NRL: variants seen among roughly 807,000 people sequenced by gnomAD.
The protein encoded by NRL is neural retina leucine zipper.
NRL carries 16 observed loss-of-function variants against 12.5 expected under a neutral mutation model. That is an observed-to-expected ratio of 1.28 (90% CI 0.87 to 1.95). The LOEUF (loss-of-function observed/expected upper bound fraction) is 1.95. Ranked by LOEUF, NRL falls within the 30% of genes most tolerant of loss-of-function variation. The probability of loss-of-function intolerance (pLI) is 0.00; values close to 1 mark genes in which losing one functional copy is unlikely to be tolerated. For synonymous variants in NRL, 142 were observed against 150.9 expected (o/e 0.94, Z 0.43); for missense variants, 314 against 325.8 (o/e 0.96, Z 0.28).
intron 1 of NRL, chr14:24,099,069 C>G: frequency 1.9e-6 from 3 of 1,603,370 alleles, no homozygotes; most frequent in Non-Finnish European, 2.6e-6. Flanking sequence ...GAGCCAGTGG[C>G]CGTGCAACCC....
intron 1 of NRL, chr14:24,103,232 C>A (rs1414896046): frequency 6.2e-7 from 1 of 1,613,764 alleles, no homozygotes; most frequent in Admixed American, 1.7e-5. Context: ...CGCTCTGAGT[C>A]CACTGCTGCA....
chr14:24,105,500 G>A (rs2037323372), intron 1 of NRL, among the ~76,000 whole-genome samples: 1 of 152,266 alleles, frequency 6.6e-6, no homozygotes, highest in African/African-American at 2.4e-5. Flanking sequence ...AAGGCACAGA[G>A]AGGTCAAGTA....
chr14:24,107,341 A>G (rs2037354374), intron 1 of NRL, among the ~76,000 whole-genome samples: 1 of 152,338 alleles, frequency 6.6e-6, no homozygotes, highest in African/African-American at 2.4e-5. Context: ...TTTAAAATAA[A>G]ACACAGATAC....
chr14:24,078,670 C>T lies in NRL; in HGVS notation c.*2566G>A, dbSNP rs114092485. On this transcript the variant is annotated 3_prime_UTR_variant, in exon 3 of 3. Transcript: ENST00000561028. ...TCAGCAACAACAGCAAATATCATTA[C>T]GTAGCATGTGTCAACTTTATGCTAA... is the stretch of plus-strand genomic sequence containing the variant. Among the ~76,000 whole-genome samples, 395 of 152,318 alleles carry T rather than the reference C, an allele frequency of 2.6e-3. No homozygotes were observed. The highest frequency in any genetic ancestry group is 9.1e-3 in the African/African-American group (377 of 41,562).
At chr14:24,082,070 C>T in intron 2 of NRL, 2 of 1,205,522 alleles carry the variant, frequency 1.7e-6, no homozygotes, top group East Asian at 5.3e-5. Context: ...AGGTTGGGGG[C>T]TGGGAAGCAC....
At chr14:24,099,801 T>C (rs1594300885) in intron 1 of NRL, 3 of 1,398,698 alleles carry the variant, frequency 2.1e-6, no homozygotes, top group Non-Finnish European at 2.8e-6. Context: ...CACAATGACT[T>C]TGTCAGTGAG....
intron 1 of NRL, chr14:24,098,445 C>T (rs1190167212): frequency 1.9e-6 from 3 of 1,613,486 alleles, no homozygotes; most frequent in Non-Finnish European, 2.5e-6. Flanking sequence ...GGTTTGGAAC[C>T]CTTCATCCAG....
At chr14:24,097,121 C>A in intron 1 of NRL, 1 of 1,613,938 alleles carries the variant, frequency 6.2e-7, no homozygotes, top group Non-Finnish European at 8.5e-7. Flanking sequence ...CCGAAAGCTC[C>A]CCAAGTACAA....
intron 1 of NRL, chr14:24,102,926 G>A (rs1167097622): frequency 6.2e-7 from 1 of 1,601,308 alleles, no homozygotes; most frequent in African/African-American, 1.3e-5. Context: ...CTTGGCAAAA[G>A]GGCTATCTCT....
rs1481422073 is a variant in NRL, at chr14:24,088,803, A to C, written c.-27-5928T>G. 7.8e-4 allele frequency among the ~76,000 whole-genome samples: 83 copies of C among 106,408 alleles called. 1 individual carries two copies. The Admixed American group carries it at 8.0e-3, about 10-fold the overall frequency. 69.8% of individuals were successfully genotyped at this position (106,408 alleles called of 152,430 possible). On this transcript the variant is annotated intron_variant, in intron 1 of 2. Coordinates refer to ENST00000561028, the MANE Select transcript of NRL (RefSeq NM_001354768.3). ...AGACATGCACCACCATGCCTGGCTAATTTTTTTTTTTTTTTTTTTTTTCAC... is the reference window on the plus strand; with the variant it reads ...AGACATGCACCACCATGCCTGGCTACTTTTTTTTTTTTTTTTTTTTTTCAC...
At chr14:24,101,550 C>G (rs932674107) in intron 1 of NRL, among the ~76,000 whole-genome samples, 8 of 152,214 alleles carry the variant, frequency 5.3e-5, no homozygotes, top group Non-Finnish European at 1.2e-4. Context: ...TGTGATATCC[C>G]TATCTCTATT....
intron 1 of NRL, chr14:24,103,208 T>G (rs748383162): frequency 5.0e-6 from 8 of 1,614,142 alleles, no homozygotes; most frequent in Non-Finnish European, 6.8e-6. Context: ...GGGGTGTTTG[T>G]GGGCAGCGCC....
At position 24,079,836 on chromosome 14, in the gene NRL, G is replaced by A. The variant is rs552437864; in HGVS notation, c.*1400C>T. 2.0e-5 allele frequency among the ~76,000 whole-genome samples: 3 copies of A among 152,330 alleles called. No homozygotes were observed. The highest frequency in any genetic ancestry group is 2.1e-4 in the South Asian group (1 of 4,814). ...CTCCCCTTAGCCTGCTGAACTGGAG[G>A]ACTGGGTTACCATGGAAACTGTGAG... On this transcript the variant is annotated 3_prime_UTR_variant, in exon 3 of 3. Coordinates refer to ENST00000561028, the MANE Select transcript of NRL (RefSeq NM_001354768.3).
chr14:24,099,619 C>T (rs1482396899), intron 1 of NRL: 3 of 1,613,688 alleles, frequency 1.9e-6, no homozygotes, highest in Admixed American at 1.7e-5. Flanking sequence ...TTCCCTAGTG[C>T]CTGTGGCAAG....
At chr14:24,099,980 C>T (rs2138960294) in intron 1 of NRL, 4 of 1,614,184 alleles carry the variant, frequency 2.5e-6, no homozygotes, top group South Asian at 1.1e-5. Flanking sequence ...TCCTTTCTTT[C>T]ACTTCTCCTA....
rs201496467 is a variant in NRL at position 24,103,836 on chromosome 14, C to T, written c.-28+10886G>A. On this transcript the variant is annotated intron_variant, in intron 1 of 2. Transcript: ENST00000561028. ...AGACACCACTCAGCTGTTCTCCCTC[C>T]CCAAGGACTTCTGGGAACAGGAGGT... 394 of 1,614,140 alleles carry T rather than the reference C, an allele frequency of 2.4e-4. 7 individuals are homozygous for T. The South Asian group carries it at 4.1e-3, about 17-fold the overall frequency.
At position 24,094,383 on chromosome 14, in the gene NRL, C is replaced by A; in HGVS notation, c.-27-11508G>T. On this transcript the variant is annotated intron_variant, in intron 1 of 2. Transcript: ENST00000561028. This position sits in a 1 kb window ranked among gnomAD's most constrained non-coding sequence, Gnocchi z 4.1. ...CCGGCTCCGCTCGGTTCCTGGCCAC[C>A]CCGCAGCCCCTGCCCAGGTGCCATG... 1 of 1,548,056 alleles carries A rather than the reference C, an allele frequency of 6.5e-7. No homozygotes were observed. Among genetic ancestry groups the A allele is most frequent in the East Asian group, 2.5e-5 (1 of 40,306 alleles).
intron 1 of NRL, chr14:24,103,146 C>T (rs745878893): frequency 6.2e-7 from 1 of 1,600,806 alleles, no homozygotes. Context: ...TGACTCTGTT[C>T]ATTGGTGATC....
intron 1 of NRL, chr14:24,100,351 C>T: frequency 6.8e-7 from 1 of 1,469,366 alleles, no homozygotes; most frequent in Non-Finnish European, 9.0e-7. Flanking sequence ...AGTTTCCAGT[C>T]CCAGGCAAAA....
Sources: allele counts gnomAD v4.1 joint callset (sites outside exome capture counted in the v4.1 genomes callset), GRCh38; gene constraint gnomAD v4.1.1; non-coding constraint Gnocchi (gnomAD v3.1); transcripts MANE v1.5; gene names NCBI Gene and HGNC (gene_info 2026-07-23, HGNC 2026-07-21).